TENM2: variants seen among roughly 807,000 people sequenced by gnomAD.
TENM2 encodes the protein teneurin-2.
In TENM2, 52 loss-of-function variants were observed where a neutral mutation model predicts 245.2. That is an observed-to-expected ratio of 0.21 (90% CI 0.17 to 0.27). The LOEUF is 0.27. TENM2 is among the 10% of genes least tolerant of loss of function. The pLI, the probability that TENM2 is intolerant of heterozygous loss-of-function variation, is 1.00. For missense variants in TENM2, 3,046 were observed against 3,666.8 expected, an observed-to-expected ratio of 0.83 and a Z score of 4.37; for synonymous variants, 1,363 against 1,438.9, an observed-to-expected ratio of 0.95 and a Z score of 1.19.
chr5:168,165,648 A>ACCCCCCCCCCCCCCCCCCCCCCCCC (rs34203413), intron 13 of TENM2, among the ~76,000 whole-genome samples: 1 of 30,942 alleles, frequency 3.2e-5, no homozygotes, highest in Admixed American at 5.9e-4. Context: ...CCCCCCCCCA[A>ACCCCCCCCCCCCCCCCCCCCCCCCC]CCCCCCCCCC....
intron 2 of TENM2, among the ~76,000 whole-genome samples, chr5:167,832,788 C>A (rs1237892605): frequency 6.6e-6 from 1 of 152,188 alleles, no homozygotes; most frequent in African/African-American, 2.4e-5. Context: ...CAGGAGTGCA[C>A]TGGAGCCAGC....
At chr5:167,039,075 G>T in the TENM2 span, among the ~76,000 whole-genome samples, 1 of 152,278 alleles carries the variant, frequency 6.6e-6, no homozygotes. Flanking sequence ...TATTGTGGGA[G>T]AAAGACTCTA....
the TENM2 span, among the ~76,000 whole-genome samples, chr5:167,100,905 AG>A: frequency 6.6e-6 from 1 of 152,212 alleles, no homozygotes. Flanking sequence ...ATTCAACATG[AG>A]TAGGAAAGGA....
At chr5:168,133,553 AC>A (rs1754776671) in intron 12 of TENM2, among the ~76,000 whole-genome samples, 1 of 152,190 alleles carries the variant, frequency 6.6e-6, no homozygotes, top group Non-Finnish European at 1.5e-5. Flanking sequence ...TACACTAAAG[AC>A]TTTACATTCA....
the TENM2 span, among the ~76,000 whole-genome samples, chr5:167,105,523 A>G: frequency 6.6e-6 from 1 of 152,200 alleles, no homozygotes; most frequent in African/African-American, 2.4e-5. Flanking sequence ...TGGACAGCCT[A>G]TGGTACTATG....
At chr5:167,198,474 G>A in the TENM2 span, among the ~76,000 whole-genome samples, 1 of 152,026 alleles carries the variant, frequency 6.6e-6, no homozygotes, top group Non-Finnish European at 1.5e-5. Flanking sequence ...ATAGAATGGG[G>A]AAATGGCTCA....
At chr5:167,889,554 A>T (rs1202448980) in intron 3 of TENM2, among the ~76,000 whole-genome samples, 1 of 149,798 alleles carries the variant, frequency 6.7e-6, no homozygotes, top group Non-Finnish European at 1.5e-5. Context: ...CCCCCCTTTC[A>T]CTCTGTCTGC....
At chr5:168,172,557 G>T (rs1758941416) in intron 13 of TENM2, among the ~76,000 whole-genome samples, 1 of 152,206 alleles carries the variant, frequency 6.6e-6, no homozygotes, top group African/African-American at 2.4e-5. Context: ...TTCAGAACCT[G>T]GGTCAAGAAC....
intron 3 of TENM2, among the ~76,000 whole-genome samples, chr5:167,946,615 A>C (rs1186475645): frequency 2.0e-5 from 3 of 152,210 alleles, no homozygotes; most frequent in Non-Finnish European, 4.4e-5. Context: ...TATATCAGCC[A>C]GGGCAGGGGA....
At chr5:167,044,060 G>T in the TENM2 span, among the ~76,000 whole-genome samples, 1 of 151,410 alleles carries the variant, frequency 6.6e-6, no homozygotes, top group African/African-American at 2.4e-5. Context: ...AAGGAAGGAA[G>T]GAAGGAAGGA....
intron 13 of TENM2, among the ~76,000 whole-genome samples, chr5:168,181,669 CTTTTTTTTTTT>C (rs36042366): frequency 8.9e-5 from 7 of 78,862 alleles, no homozygotes; most frequent in Admixed American, 3.2e-4. Context: ...AGTTTTACTT[CTTTTTTTTTTT>C]TTTTTTTTTT....
At chr5:167,385,519 C>G (rs1438360696) in intron 2 of TENM2, among the ~76,000 whole-genome samples, 1 of 132,794 alleles carries the variant, frequency 7.5e-6, no homozygotes, top group Non-Finnish European at 1.6e-5. Flanking sequence ...TTTTTTTTTA[C>G]TTCCATAGGT....
At chr5:168,149,047 G>C (rs1237219710) in intron 12 of TENM2, among the ~76,000 whole-genome samples, 2 of 152,124 alleles carry the variant, frequency 1.3e-5, no homozygotes, top group African/African-American at 4.8e-5. Context: ...GAGCATGCTT[G>C]GGTGGTTCAA....
At chr5:167,932,849 T>C (rs1778390934) in intron 3 of TENM2, among the ~76,000 whole-genome samples, 1 of 152,180 alleles carries the variant, frequency 6.6e-6, no homozygotes, top group African/African-American at 2.4e-5. Context: ...TTTGCCCGTT[T>C]GCCAACCCCA....
chr5:167,314,154 T>C (rs1756210879), intron 1 of TENM2, among the ~76,000 whole-genome samples: 1 of 152,210 alleles, frequency 6.6e-6, no homozygotes, highest in East Asian at 1.9e-4. Context: ...ATTATACAAG[T>C]GTGGGCTCCA....
rs1762714197 is a variant in TENM2 at position 167,407,820 on chromosome 5, A to C, written c.502+32347A>C. Among the ~76,000 whole-genome samples, 4 of 152,164 alleles carry C rather than the reference A, an allele frequency of 2.6e-5. No homozygotes were observed. In the South Asian group the frequency reaches 8.3e-4, roughly 31 times the overall value. The stretch of plus-strand genomic sequence containing the variant: ...CAGCAGACTGAGACTCTGTCTCAAC[A>C]ATAACCACAACAAAAAACCACAAAC... On this transcript the variant is annotated intron_variant, in intron 2 of 28. Coordinates refer to ENST00000518659, the Ensembl canonical transcript of TENM2.
chr5:167,597,585 C>T (rs553904523), intron 2 of TENM2, among the ~76,000 whole-genome samples: 2 of 152,246 alleles, frequency 1.3e-5, no homozygotes, highest in African/African-American at 2.4e-5. Flanking sequence ...CATTTGACAC[C>T]ATAAGGAGTC....
intron 2 of TENM2, among the ~76,000 whole-genome samples, chr5:167,427,807 C>T (rs768347941): frequency 5.5e-3 from 326 of 58,928 alleles, no homozygotes; most frequent in African/African-American, 0.025. Flanking sequence ...GAAGGAAGGA[C>T]GGAAAGGAAG....
At chr5:168,261,756 C>G (rs985918068) in intron 28 of TENM2, among the ~76,000 whole-genome samples, 1 of 151,276 alleles carries the variant, frequency 6.6e-6, no homozygotes, top group East Asian at 2.0e-4. Context: ...GGTCCAGGTG[C>G]CCATGCCAGC....
Sources: gnomAD v4.1 joint callset for allele counts (sites outside exome capture counted in the v4.1 genomes callset) on GRCh38, gnomAD v4.1.1 for gene constraint, MANE v1.5 for transcripts, NCBI Gene and HGNC (gene_info 2026-07-23, HGNC 2026-07-21) for gene names.